The following OTOF variants were observed in gnomAD, a reference collection of about 807,000 sequenced individuals.
The protein encoded by OTOF is fer-1-like family member 2.
Under a neutral mutation model 236.8 loss-of-function variants are expected in OTOF, and 218 were observed. That is an observed-to-expected ratio of 0.92 (90% confidence interval 0.82 to 1.03). OTOF has a LOEUF of 1.03. Ranked by LOEUF, OTOF falls within the 50% of genes least tolerant of loss-of-function variation. The pLI is 0.00. For synonymous variants in OTOF, 1,041 were observed against 1,072.5 expected (o/e 0.97, Z 0.57); for missense variants, 2,590 against 2,694.4 (o/e 0.96, Z 0.86).
chr2:26,502,520 A>G, intron 6 of OTOF, 94 bp from the exon 7 acceptor site: 1 of 1,348,384 alleles, frequency 7.4e-7, no homozygotes, highest in South Asian at 1.2e-5. Context: ...GCTGAGAGTT[A>G]AATTCGAGGT....
chr2:26,502,574 G>A, intron 6 of OTOF, 148 bp from the exon 7 acceptor site: 1 of 831,260 alleles, frequency 1.2e-6, no homozygotes, highest in Non-Finnish European at 2.0e-6. Flanking sequence ...CTGAATAACT[G>A]CAGTGTTTTT....
chr2:26,557,125 A>G lies in OTOF; in HGVS notation c.79+1368T>C, dbSNP rs61010682. Among the ~76,000 whole-genome samples, 1,296 of 152,244 alleles carry G rather than the reference A, an allele frequency of 8.5e-3. 25 individuals carry two copies. Among genetic ancestry groups the G allele is most frequent in the African/African-American group, 0.03 (1,238 of 41,540 alleles). On this transcript the variant is annotated intron_variant, in intron 1 of 46. Transcript: ENST00000272371. ...CCTGTCCCTATGAACACAAGCTGCAATGTGGGCATCCCAGGGCCTCTGGGT... is the reference window on the plus strand; with the variant it reads ...CCTGTCCCTATGAACACAAGCTGCAGTGTGGGCATCCCAGGGCCTCTGGGT...
Position 26,479,526 on chromosome 2 carries a change from C to T in OTOF, c.2040G>A (p.Gly680=). The T allele has an allele frequency of 6.2e-7, 1 of 1,606,986 alleles. No individual in the cohort carries two copies. The highest frequency in any genetic ancestry group is 8.5e-7 in the Non-Finnish European group (1 of 1,177,642). Residue 680 remains glycine (G), a synonymous_variant, in exon 17 of 47, where the codon GGG becomes GGA. Transcript: ENST00000272371. ...NASDDEAGDA[G]DLASVSSTPP... ...GAGTGGAGGAGACTGAGGCCAGGTCCCCGGCATCACCGGCCTCGTCATCAC... is the reference window on the plus strand; with the variant it reads ...GAGTGGAGGAGACTGAGGCCAGGTCTCCGGCATCACCGGCCTCGTCATCAC...
rs148042715 is a variant in OTOF, at chr2:26,475,979, C to T, written c.2926G>A (p.Asp976Asn). 141 of 1,612,392 alleles carry T rather than the reference C, an allele frequency of 8.7e-5. No homozygotes were observed. The highest frequency in any genetic ancestry group is 7.0e-4 in the South Asian group (64 of 90,944). Residue 976 changes from aspartate to asparagine, a missense_variant, in exon 24 of 47, where the codon GAC becomes AAC. Physicochemically the swap from Asp to Asn is conservative, Grantham distance 23. Around this residue, in one of 2 missense-constraint regions of OTOF, gnomAD observed 1,379 missense variants for 1,341.6 expected, o/e 1.03. Transcript: ENST00000272371. ...AAGGGGTCTGAGAGTCCGCTGCTGT[C>T]GGCGGCAAAGAGGCTGCGGGCCTGG... Reference protein sequence around the residue: ...MYQARSLFAADSSGLSDPFAR... With the variant: ...MYQARSLFAANSSGLSDPFAR...
Position 26,460,222 on chromosome 2 carries a change from A to G in OTOF, c.5814-17T>C, listed in dbSNP as rs1461471180. On this transcript the variant is annotated splice_polypyrimidine_tract_variant and intron_variant, in intron 45 of 46. Coordinates refer to ENST00000272371, the MANE Select transcript of OTOF (RefSeq NM_194248.3). This position sits in a 1 kb window ranked among gnomAD's most constrained non-coding sequence, Gnocchi z 5.3. ...TCGGGCCGGCTGGAGTATGAAGGGT[A>G]GAGAGCGCAGAGGAGGGACAGGGAG... is the stretch of plus-strand genomic sequence containing the variant. The G allele has an allele frequency of 6.3e-7, 1 of 1,588,680 alleles. No individual in the cohort carries two copies. Among genetic ancestry groups the G allele is most frequent in the Non-Finnish European group, 8.6e-7 (1 of 1,166,698 alleles).
intron 11 of OTOF, among the ~76,000 whole-genome samples, chr2:26,486,787 A>G (rs905851828): frequency 3.3e-5 from 5 of 152,156 alleles, no homozygotes; most frequent in Non-Finnish European, 5.9e-5. Context: ...ATGACTTCTG[A>G]GGCCCTTCTA....
At position 26,515,897 on chromosome 2, in the gene OTOF, G is replaced by A. The variant is rs72798907; in HGVS notation, c.509+521C>T. On this transcript the variant is annotated intron_variant, in intron 5 of 46. Transcript: ENST00000272371. ...TGGCAGGACACTTGCAGGGCGTGAC[G>A]CTGGATTCTGGGGGTTCCCGGGTAC... 4.7e-3 allele frequency among the ~76,000 whole-genome samples: 713 copies of A among 152,326 alleles called. 3 individuals are homozygous for A. Among genetic ancestry groups the A allele is most frequent in the Non-Finnish European group, 7.3e-3 (496 of 68,024 alleles).
chr2:26,531,744 G>T (rs1666953588), intron 2 of OTOF, among the ~76,000 whole-genome samples: 1 of 152,086 alleles, frequency 6.6e-6, no homozygotes. Flanking sequence ...GATTTTGAGG[G>T]TTTGGGAGCT....
At chr2:26,487,580 G>A (rs893859622) in intron 11 of OTOF, among the ~76,000 whole-genome samples, 1 of 152,132 alleles carries the variant, frequency 6.6e-6, no homozygotes, top group Non-Finnish European at 1.5e-5. Context: ...CCAACATCTG[G>A]CACTTACTGA....
At chr2:26,483,008 T>G (rs1388234640) in intron 13 of OTOF, among the ~76,000 whole-genome samples, 3 of 117,874 alleles carry the variant, frequency 2.5e-5, no homozygotes, top group Admixed American at 1.7e-4. Flanking sequence ...TGTGTGCATG[T>G]GTGAATGGGT....
In OTOF at chr2:26,479,626, A is replaced by C. The variant is rs773244617; in HGVS notation, c.1940T>G (p.Leu647Arg). 6.2e-7 allele frequency: 1 copy of C among 1,612,604 alleles called. No individual in the cohort carries two copies. Among genetic ancestry groups the C allele is most frequent in the Non-Finnish European group, 8.5e-7 (1 of 1,179,782 alleles). ...IGNYGNEVDGLSRPQRPRPRK... is the reference protein window; with the variant it reads ...IGNYGNEVDGRSRPQRPRPRK... ...GGGCCGAGGCCGCTGGGGCCGGGAC[A>C]GGCCATCAACTTCGTTCCCATAGTT... The change falls in exon 17 of 47, where the codon CTG becomes CGG. Residue 647 changes from leucine (L) to arginine (R), a missense_variant. Physicochemically the swap from Leu to Arg is moderately radical, Grantham distance 102. This residue lies in a region of OTOF where 1,379 missense variants were observed against 1,341.6 expected (regional missense o/e 1.03). Transcript: ENST00000272371.
chr2:26,506,343 A>G (rs1210529857), intron 5 of OTOF, among the ~76,000 whole-genome samples: 5 of 152,178 alleles, frequency 3.3e-5, no homozygotes, highest in African/African-American at 1.2e-4. Flanking sequence ...GCCCTTCCGC[A>G]TGTGTGACCT....
Position 26,462,182 on chromosome 2 carries a change from C to G in OTOF, c.5193-1G>C, listed in dbSNP as rs111033373. Reference sequence around the variant, plus strand: ...CCAGATGATGACCCGCAGCTCGTACCTGGGCCCAGGGAGAGAAGGCTGGTT... The same window carrying G: ...CCAGATGATGACCCGCAGCTCGTACGTGGGCCCAGGGAGAGAAGGCTGGTT... On this transcript the variant is annotated splice_acceptor_variant, in intron 41 of 46. Coordinates refer to ENST00000272371, the MANE Select transcript of OTOF (RefSeq NM_194248.3). LOFTEE classifies it high-confidence loss of function. The surrounding 1 kb of genome is among the most constrained non-coding windows in gnomAD (Gnocchi z 4.7). 3 of 1,613,896 alleles carry G rather than the reference C, an allele frequency of 1.9e-6. No homozygotes were observed. The highest frequency in any genetic ancestry group is 2.5e-6 in the Non-Finnish European group (3 of 1,179,872).
At chr2:26,540,907 C>G (rs547212554) in intron 1 of OTOF, among the ~76,000 whole-genome samples, 2 of 152,314 alleles carry the variant, frequency 1.3e-5, no homozygotes, top group African/African-American at 4.8e-5. Flanking sequence ...CAAGAAATAT[C>G]TCAACAACAA....
chr2:26,541,238 C>T (rs1235764969), intron 1 of OTOF, among the ~76,000 whole-genome samples: 1 of 152,086 alleles, frequency 6.6e-6, no homozygotes, highest in African/African-American at 2.4e-5. Flanking sequence ...AGGATCAAAC[C>T]CTCCCCTGCT....
intron 11 of OTOF, among the ~76,000 whole-genome samples, chr2:26,486,453 G>A (rs1031753117): frequency 6.6e-6 from 1 of 152,200 alleles, no homozygotes; most frequent in Non-Finnish European, 1.5e-5. Flanking sequence ...TGGGTGAGTG[G>A]ATGGATGGAT....
chr2:26,474,143 G>A, intron 26 of OTOF, 33 bp from the exon 27 acceptor site: 1 of 1,612,308 alleles, frequency 6.2e-7, no homozygotes, highest in Non-Finnish European at 8.5e-7. Flanking sequence ...CACACACTGG[G>A]GAGCCCAGGG....
At chr2:26,511,372 C>T (rs1224242472) in intron 5 of OTOF, among the ~76,000 whole-genome samples, 2 of 152,170 alleles carry the variant, frequency 1.3e-5, no homozygotes, top group Admixed American at 6.5e-5. Context: ...GGAAAAACGG[C>T]CCCCCTATCT....
chr2:26,465,083 G>A (rs552713782), intron 38 of OTOF, 54 bp from the exon 39 acceptor site: 50 of 1,396,828 alleles, frequency 3.6e-5, no homozygotes, highest in Non-Finnish European at 4.7e-5. Context: ...AAGCCATCCT[G>A]GATGACAGCT....
Sources: gnomAD v4.1 joint callset for allele counts (sites outside exome capture counted in the v4.1 genomes callset) on GRCh38, gnomAD v4.1.1 for gene constraint, gnomAD v4.1.1 regional missense constraint, Gnocchi (gnomAD v3.1) non-coding constraint, MANE v1.5 for transcripts, NCBI Gene and HGNC (gene_info 2026-07-23, HGNC 2026-07-21) for gene names.